Variants in PTPRD observed in about 807,000 individuals in gnomAD.
PTPRD encodes the protein receptor-type tyrosine-protein phosphatase delta.
A neutral mutation model predicts 214.5 loss-of-function variants in PTPRD; 34 were observed. The observed-to-expected ratio is 0.16, with a 90% confidence interval of 0.12 to 0.21. The LOEUF (loss-of-function observed/expected upper bound fraction) is 0.21. Among genes scored for constraint, PTPRD ranks in the 10% least tolerant of loss-of-function variants. The pLI is 1.00. For synonymous variants in PTPRD, 1,128 were observed against 845.7 expected (o/e 1.33, Z -5.79); for missense variants, 2,545 against 2,398.7 (o/e 1.06, Z -1.27).
intron 7 of PTPRD, among the ~76,000 whole-genome samples, chr9:9,719,035 G>T (rs911568825): frequency 1.3e-5 from 2 of 152,150 alleles, no homozygotes; most frequent in Non-Finnish European, 2.9e-5. Flanking sequence ...CAGTGACCTG[G>T]AGTCAGAACT....
intron 35 of PTPRD, among the ~76,000 whole-genome samples, chr9:8,423,238 A>G (rs982463476): frequency 1.3e-5 from 2 of 152,228 alleles, no homozygotes; most frequent in African/African-American, 2.4e-5. Context: ...ATCCGGCTCA[A>G]TAAGTTATAT....
intron 12 of PTPRD, among the ~76,000 whole-genome samples, chr9:8,650,297 A>G (rs960767596): frequency 2.0e-5 from 3 of 152,048 alleles, no homozygotes; most frequent in South Asian, 2.1e-4. Flanking sequence ...TGGGAGGCTG[A>G]GGTGGGTGGA....
intron 9 of PTPRD, among the ~76,000 whole-genome samples, chr9:9,365,564 T>C (rs566569482): frequency 1.1e-3 from 170 of 151,672 alleles, no homozygotes; most frequent in African/African-American, 3.9e-3. Flanking sequence ...CAGGGGAGTA[T>C]GGCCAATACA....
chr9:10,507,414 C>A (rs2046371883), intron 2 of PTPRD, among the ~76,000 whole-genome samples: 1 of 152,108 alleles, frequency 6.6e-6, no homozygotes, highest in Admixed American at 6.6e-5. Context: ...CATCAAGCTA[C>A]CAATGACTTT....
At chr9:9,611,369 T>TA (rs2094503195) in intron 7 of PTPRD, among the ~76,000 whole-genome samples, 1 of 152,110 alleles carries the variant, frequency 6.6e-6, no homozygotes, top group South Asian at 2.1e-4. Context: ...CTGACCATTA[T>TA]AAATTTTTTT....
chr9:10,411,329 T>C (rs1469443989), intron 2 of PTPRD, among the ~76,000 whole-genome samples: 2 of 151,776 alleles, frequency 1.3e-5, no homozygotes, highest in African/African-American at 2.4e-5. Flanking sequence ...GAATTATAAC[T>C]TGTAGTTGAC....
Position 9,115,525 on chromosome 9 carries a change from T to G in PTPRD, c.-143+67779A>C, listed in dbSNP as rs551069919. On this transcript the variant is annotated intron_variant, in intron 10 of 45. Coordinates refer to ENST00000381196, the MANE Select transcript of PTPRD (RefSeq NM_002839.4). ...TGAAAAGGCAATGCTTATACACTGTTGGTGGGAATGTAAATTACTACAGCC... is the reference window on the plus strand; with the variant it reads ...TGAAAAGGCAATGCTTATACACTGTGGGTGGGAATGTAAATTACTACAGCC... Among the ~76,000 whole-genome samples, 3 of 152,292 alleles carry G rather than the reference T, an allele frequency of 2.0e-5. No individual in the cohort carries two copies. In the South Asian group the frequency reaches 6.2e-4, roughly 32 times the overall value.
At chr9:9,313,740 C>A (rs1299169499) in intron 9 of PTPRD, among the ~76,000 whole-genome samples, 1 of 152,118 alleles carries the variant, frequency 6.6e-6, no homozygotes, top group Non-Finnish European at 1.5e-5. Flanking sequence ...TTATTCAAAC[C>A]AATGCCTCAG....
chr9:8,819,893 C>T (rs181307974), intron 11 of PTPRD, among the ~76,000 whole-genome samples: 48 of 152,176 alleles, frequency 3.2e-4, no homozygotes, highest in Non-Finnish European at 2.9e-4. Flanking sequence ...GTCTTGTTCT[C>T]CTTGTCCACA....
chr9:9,752,588 G>A (rs969598968), intron 6 of PTPRD, among the ~76,000 whole-genome samples: 65 of 152,066 alleles, frequency 4.3e-4, no homozygotes, highest in African/African-American at 1.5e-3. Context: ...TTCTGCACAT[G>A]GAACTTTAAG....
chr9:8,878,472 G>T lies in PTPRD; in HGVS notation c.-104+140225C>A, dbSNP rs564724550. Among the ~76,000 whole-genome samples the T allele has an allele frequency of 5.9e-5, 9 of 152,046 alleles. No individual in the cohort carries two copies. In the South Asian group the frequency reaches 1.7e-3, roughly 28 times the overall value. Reference sequence around the variant, plus strand: ...ATATGCTTAAGGAGAAAAGAGAAGTGCTCTGTTGATTATTATCAACAGAAG... The same window carrying T: ...ATATGCTTAAGGAGAAAAGAGAAGTTCTCTGTTGATTATTATCAACAGAAG... On this transcript the variant is annotated intron_variant, in intron 11 of 45. Transcript: ENST00000381196.
intron 7 of PTPRD, among the ~76,000 whole-genome samples, chr9:9,640,738 G>A (rs1196917951): frequency 2.6e-5 from 4 of 152,238 alleles, no homozygotes; most frequent in African/African-American, 9.6e-5. Context: ...CTGGGAAGTA[G>A]AGGGGTGACC....
At chr9:10,141,541 C>A (rs1395569112) in intron 3 of PTPRD, among the ~76,000 whole-genome samples, 1 of 152,194 alleles carries the variant, frequency 6.6e-6, no homozygotes, top group East Asian at 1.9e-4. Flanking sequence ...ATTCAACTTA[C>A]AAGGGATGTG....
chr9:8,911,287 C>T lies in PTPRD; in HGVS notation c.-104+107410G>A, dbSNP rs1044743617. ...CCGAAGTGAGACTCCAGAAATAAAC[C>T]CTCGTATTTAAGGTCAATTGATTTT... On this transcript the variant is annotated intron_variant, in intron 11 of 45. Coordinates refer to ENST00000381196, the MANE Select transcript of PTPRD (RefSeq NM_002839.4). Among the ~76,000 whole-genome samples, 2 of 151,968 alleles carry T rather than the reference C, an allele frequency of 1.3e-5. 1 individual carries two copies. Among genetic ancestry groups the T allele is most frequent in the Non-Finnish European group, 2.9e-5 (2 of 68,024 alleles).
chr9:8,562,957 T>A (rs937627950), intron 14 of PTPRD, among the ~76,000 whole-genome samples: 3 of 152,014 alleles, frequency 2.0e-5, no homozygotes, highest in Non-Finnish European at 4.4e-5. Context: ...GTTTTTTGCA[T>A]ATGGGCACCC....
Position 10,557,467 on chromosome 9 carries a change from C to T in PTPRD, c.-600+54931G>A, listed in dbSNP as rs1465013767. Among the ~76,000 whole-genome samples, 4 of 152,066 alleles carry T rather than the reference C, an allele frequency of 2.6e-5. No individual in the cohort carries two copies. The East Asian group carries it at 7.7e-4, about 29-fold the overall frequency. The stretch of plus-strand genomic sequence containing the variant: ...GTTTTTGTTTTTTCCTTTTACTGGG[C>T]TGCACAACTCAGCAAAATGTAAACC... On this transcript the variant is annotated intron_variant, in intron 2 of 45. Transcript: ENST00000381196.
chr9:9,773,625 T>C (rs1214134000), intron 5 of PTPRD, among the ~76,000 whole-genome samples: 74 of 152,178 alleles, frequency 4.9e-4, no homozygotes, highest in Admixed American at 4.8e-3. Context: ...TGAAACAGTC[T>C]AAGCCTTGTT....
intron 12 of PTPRD, among the ~76,000 whole-genome samples, chr9:8,655,544 A>C (rs1434984594): frequency 6.6e-6 from 1 of 151,838 alleles, no homozygotes; most frequent in Non-Finnish European, 1.5e-5. Flanking sequence ...TTAAACAACA[A>C]TATGAATATG....
At chr9:9,110,555 T>C (rs960926380) in intron 10 of PTPRD, among the ~76,000 whole-genome samples, 2 of 152,284 alleles carry the variant, frequency 1.3e-5, no homozygotes, top group Admixed American at 6.5e-5. Flanking sequence ...CCACTGTTTT[T>C]ACAAAAATAT....
Sources: gnomAD v4.1 joint callset for allele counts (sites outside exome capture counted in the v4.1 genomes callset) on GRCh38, gnomAD v4.1.1 for gene constraint, MANE v1.5 for transcripts, NCBI Gene and HGNC (gene_info 2026-07-23, HGNC 2026-07-21) for gene names.